The following NPEPPS variants were observed in gnomAD, a reference collection of about 807,000 sequenced individuals.
NPEPPS encodes aminopeptidase puromycin sensitive.
In NPEPPS, 14 loss-of-function variants were observed where a neutral mutation model predicts 115.5. The observed-to-expected ratio is 0.12, with a 90% CI of 0.08 to 0.19. The LOEUF (loss-of-function observed/expected upper bound fraction) is 0.19, where lower values mean the gene tolerates loss of function less well. Ranked by LOEUF, NPEPPS falls within the 10% of genes least tolerant of loss-of-function variation. The pLI is 1.00. For missense variants in NPEPPS, 523 were observed against 1,110.8 expected (o/e 0.47, Z 7.52); for synonymous variants, 285 against 390.6 (o/e 0.73, Z 3.19).
upstream of NPEPPS, among the ~76,000 whole-genome samples, chr17:47,529,349 C>T (rs1907565905): frequency 6.6e-6 from 1 of 151,324 alleles, no homozygotes; most frequent in Admixed American, 6.6e-5. Context: ...GTGATCCTCC[C>T]GTCTCAGCCT....
chr17:47,569,675 T>G (rs553457855), intron 3 of NPEPPS, among the ~76,000 whole-genome samples, 181 bp downstream of exon 3: 1 of 151,470 alleles, frequency 6.6e-6, no homozygotes, highest in Non-Finnish European at 1.5e-5. Context: ...TGGAGAGTAG[T>G]GGCATGATCT....
chr17:47,548,120 A>G (rs1371513163), intron 2 of NPEPPS: 1 of 152,140 alleles, frequency 6.6e-6, no homozygotes, highest in Non-Finnish European at 1.5e-5. Flanking sequence ...TTTACATTAT[A>G]CTGAAAAGAA....
intron 17 of NPEPPS, 63 bp from the exon 18 acceptor site, chr17:47,612,397 A>G (rs1913925990): frequency 2.6e-6 from 4 of 1,558,842 alleles, no homozygotes; most frequent in Admixed American, 1.8e-5. Context: ...AGATATCCAA[A>G]TGGCAAACTT....
chr17:47,578,686 C>A (rs1178039738), intron 3 of NPEPPS, among the ~76,000 whole-genome samples: 1 of 151,880 alleles, frequency 6.6e-6, no homozygotes, highest in African/African-American at 2.4e-5. Context: ...TGTCAGATTT[C>A]AAATGATTGA....
In NPEPPS at chr17:47,588,916, T is replaced by C. The variant is rs1170557259; in HGVS notation, c.1095+1572T>C. On this transcript the variant is annotated intron_variant, in intron 9 of 22. Transcript: ENST00000322157. Reference sequence around the variant, plus strand: ...GCAAATAGCCACTTATCACTTAATATCAAAATAATTTTTTTTTTAAGACAG... The same window carrying C: ...GCAAATAGCCACTTATCACTTAATACCAAAATAATTTTTTTTTTAAGACAG... Among the ~76,000 whole-genome samples the C allele has an allele frequency of 4.6e-5, 7 of 152,134 alleles. No individual in the cohort carries two copies. The East Asian group carries it at 5.8e-4, about 13-fold the overall frequency.
intron 1 of NPEPPS, among the ~76,000 whole-genome samples, chr17:47,532,983 G>T (rs1354723211): frequency 6.6e-6 from 1 of 152,134 alleles, no homozygotes. Context: ...GGGGTCGGGG[G>T]AAATCAGTAG....
At chr17:47,605,607 G>A (rs1913467677) in intron 17 of NPEPPS, 55 bp downstream of exon 17, 1 of 1,072,648 alleles carries the variant, frequency 9.3e-7, no homozygotes. Context: ...ACTTTTTTAT[G>A]TGGTTAACAA....
At chr17:47,527,776 C>T (rs1037013015), upstream of NPEPPS, among the ~76,000 whole-genome samples, 1 of 151,004 alleles carries the variant, frequency 6.6e-6, no homozygotes, top group African/African-American at 2.4e-5. Context: ...AACAAACAAA[C>T]AAATAAAACT....
At chr17:47,525,628 G>T (rs1265473129) in intron 1 of NPEPPS, among the ~76,000 whole-genome samples, 1 of 152,074 alleles carries the variant, frequency 6.6e-6, no homozygotes, top group Non-Finnish European at 1.5e-5. Context: ...CAGGCGTGAG[G>T]CATGGTGCCT....
upstream of NPEPPS, chr17:47,531,012 C>G (rs1199233178): frequency 1.2e-5 from 2 of 165,552 alleles, no homozygotes; most frequent in East Asian, 3.6e-4. Context: ...CCGGCCGCGC[C>G]CTCGTCCTCG....
chr17:47,572,401 A>G (rs1303807727), intron 3 of NPEPPS, among the ~76,000 whole-genome samples: 2 of 152,182 alleles, frequency 1.3e-5, no homozygotes, highest in South Asian at 4.1e-4. Context: ...CTAATGAAAG[A>G]TAGGGCAAAA....
At chr17:47,534,692 C>T (rs1340730263) in intron 1 of NPEPPS, among the ~76,000 whole-genome samples, 1 of 151,968 alleles carries the variant, frequency 6.6e-6, no homozygotes, top group Non-Finnish European at 1.5e-5. Context: ...CCTCAGCCTC[C>T]TGGGTAGCTG....
At chr17:47,549,251 A>C (rs1418502657) in intron 2 of NPEPPS, among the ~76,000 whole-genome samples, 3 of 151,614 alleles carry the variant, frequency 2.0e-5, no homozygotes, top group Non-Finnish European at 4.4e-5. Context: ...GCTGAGGCAG[A>C]GAATTGCTTG....
At chr17:47,554,086 G>C (rs1293202400) in intron 2 of NPEPPS, among the ~76,000 whole-genome samples, 1 of 151,280 alleles carries the variant, frequency 6.6e-6, no homozygotes, top group Non-Finnish European at 1.5e-5. Context: ...TGTTGCCCAG[G>C]CTGGAGTGCG....
intron 1 of NPEPPS, among the ~76,000 whole-genome samples, chr17:47,524,637 G>A (rs1907353650): frequency 6.7e-6 from 1 of 150,102 alleles, no homozygotes; most frequent in East Asian, 2.0e-4. Context: ...TGGGACTACA[G>A]GCACCTGCCA....
chr17:47,555,377 C>T (rs540483934), intron 2 of NPEPPS, among the ~76,000 whole-genome samples: 8 of 129,494 alleles, frequency 6.2e-5, no homozygotes, highest in Admixed American at 1.8e-4. Flanking sequence ...GATGGAGTTT[C>T]GCTCTTATTG....
chr17:47,528,933 G>T (rs1397348814), upstream of NPEPPS, among the ~76,000 whole-genome samples: 1 of 151,900 alleles, frequency 6.6e-6, no homozygotes, highest in Non-Finnish European at 1.5e-5. Flanking sequence ...ACCGTGCCCG[G>T]CCTCATTAAT....
chr17:47,578,190 A>G (rs1911645128), intron 3 of NPEPPS, among the ~76,000 whole-genome samples: 1 of 145,502 alleles, frequency 6.9e-6, no homozygotes. Flanking sequence ...CAACAGAGTA[A>G]GCCTCTGTCT....
At chr17:47,559,247 G>T (rs1171227333) in intron 2 of NPEPPS, among the ~76,000 whole-genome samples, 1 of 152,018 alleles carries the variant, frequency 6.6e-6, no homozygotes, top group Admixed American at 6.6e-5. Flanking sequence ...TTGCTTTGTT[G>T]CCTAGGCTGG....
Sources: gnomAD v4.1 joint callset for allele counts (sites outside exome capture counted in the v4.1 genomes callset) on GRCh38, gnomAD v4.1.1 for gene constraint, MANE v1.5 for transcripts, NCBI Gene and HGNC (gene_info 2026-07-23, HGNC 2026-07-21) for gene names.